Variants in HARBI1 observed in about 807,000 individuals in gnomAD.
HARBI1 encodes the protein harbinger transposase derived 1.
In HARBI1, 15 loss-of-function variants were observed where a neutral mutation model predicts 25.3. The ratio of observed to expected loss-of-function variants is 0.59; its 90% CI spans 0.40 to 0.91. HARBI1 has a LOEUF of 0.91. Among genes scored for constraint, HARBI1 ranks in the 40% least tolerant of loss-of-function variants. The pLI, the probability that HARBI1 is intolerant of heterozygous loss-of-function variation, is 0.00. For missense variants in HARBI1, 396 were observed against 445.8 expected (o/e 0.89, Z 1.01); for synonymous variants, 168 against 160.5 (o/e 1.05, Z -0.35).
chr11:46,608,016 C>G (rs187218777), intron 2 of HARBI1, among the ~76,000 whole-genome samples: 2 of 151,516 alleles, frequency 1.3e-5, no homozygotes, highest in African/African-American at 2.4e-5. Flanking sequence ...TACAATTAGG[C>G]GGCCAGGTGC....
chr11:46,616,692 A>G (rs2045510419), intron 1 of HARBI1: 1 of 994,626 alleles, frequency 1.0e-6, no homozygotes, highest in African/African-American at 1.7e-5. Context: ...ATATAGGCCA[A>G]GAAGCAGCTG....
intron 2 of HARBI1, 23 bp from the exon 3 acceptor site, chr11:46,603,932 T>G: frequency 6.3e-7 from 1 of 1,579,442 alleles, no homozygotes; most frequent in Non-Finnish European, 8.6e-7. Flanking sequence ...CCCAAATAAA[T>G]CATAAATGAC....
At position 46,616,253 on chromosome 11, in the gene HARBI1, TGGC is replaced by T. The variant is rs2045453836; in HGVS notation, c.-19_-17del. 1 of 1,591,300 alleles carries T rather than the reference TGGC, an allele frequency of 6.3e-7. No homozygotes were observed. Among genetic ancestry groups the T allele is most frequent in the African/African-American group, 1.3e-5 (1 of 74,566 alleles). ...GTATAGCCATGGTAAATGTGAATGT[TGGC>T]TCTCCTCTTTGCTTTTTCTGAACTG... On this transcript the variant is annotated 5_prime_UTR_variant, in exon 2 of 3. Coordinates refer to ENST00000326737, the MANE Select transcript of HARBI1 (RefSeq NM_173811.4).
At chr11:46,614,630 AG>A (rs1226189411) in intron 2 of HARBI1, among the ~76,000 whole-genome samples, 5 of 152,176 alleles carry the variant, frequency 3.3e-5, no homozygotes, top group Non-Finnish European at 5.9e-5. Context: ...TTTTGGAGAC[AG>A]GGTCTTGCTA....
In HARBI1 at chr11:46,603,868, G is replaced by C; in HGVS notation, c.712C>G (p.Leu238Val). ...TCTGCTGGAGTTTCAGGAATGTGAA[G>C]TGGGGTCATGAGCCAGGTTCGAAGA... The part of the protein sequence containing the change: ...FFLRTWLMTP[L>V]HIPETPAEYR... Residue 238 changes from leucine (L) to valine (V), a missense_variant, in exon 3 of 3, where the codon CTT becomes GTT. By Grantham distance (32) the Leu-to-Val change is conservative. Coordinates refer to ENST00000326737, the MANE Select transcript of HARBI1 (RefSeq NM_173811.4). 6.2e-7 allele frequency: 1 copy of C among 1,614,040 alleles called. No individual in the cohort carries two copies. Among genetic ancestry groups the C allele is most frequent in the Non-Finnish European group, 8.5e-7 (1 of 1,179,916 alleles).
chr11:46,617,628 CGGG>C (rs2045722582), upstream of HARBI1: 1 of 231,916 alleles, frequency 4.3e-6, no homozygotes, highest in Non-Finnish European at 8.0e-6. Flanking sequence ...GGGCTTAAGG[CGGG>C]AGTGACCGCT....
Position 46,608,253 on chromosome 11 carries a change from G to A in HARBI1, c.671-4344C>T, listed in dbSNP as rs530321764. ...GCACAGGTTGCAGTGAGCTGAGATC[G>A]CCCCATTGCACCACAGCCTGGGCAA... On this transcript the variant is annotated intron_variant, in intron 2 of 2. Transcript: ENST00000326737. Among the ~76,000 whole-genome samples the A allele has an allele frequency of 1.6e-4, 25 of 152,140 alleles. No homozygotes were observed. The South Asian group carries it at 3.9e-3, about 24-fold the overall frequency.
rs2045352389 is a variant in HARBI1 at position 46,615,586 on chromosome 11, T to C, written c.652A>G (p.Lys218Glu). ...AACTTACCCAGAAGCCAGCTATCTTTGTGCATACCCGCTTCAAACTGACTA... is the reference window on the plus strand; with the variant it reads ...AACTTACCCAGAAGCCAGCTATCTTCGTGCATACCCGCTTCAAACTGACTA... Reference protein sequence around the residue: ...LSSQFEAGMHKDSWLLGDSSF... With the variant: ...LSSQFEAGMHEDSWLLGDSSF... The change falls in exon 2 of 3, where the codon AAA becomes GAA. Residue 218 changes from lysine (K) to glutamate (E), a missense_variant. Physicochemically the swap from Lys to Glu is moderately conservative, Grantham distance 56 (BLOSUM62 1). Transcript: ENST00000326737. 1 of 1,612,960 alleles carries C rather than the reference T, an allele frequency of 6.2e-7. No individual in the cohort carries two copies. Among genetic ancestry groups the C allele is most frequent in the Non-Finnish European group, 8.5e-7 (1 of 1,179,256 alleles).
chr11:46,608,115 G>A (rs565346377), intron 2 of HARBI1, among the ~76,000 whole-genome samples: 67 of 152,072 alleles, frequency 4.4e-4, no homozygotes, highest in Non-Finnish European at 5.1e-4. Flanking sequence ...CCTGACCAAC[G>A]TGGTGAAGCC....
Position 46,617,107 on chromosome 11 carries a change from C to T in HARBI1, c.-145+17G>A. ...TGATTGCGCCGGCCACTCAGTTAGCCCAGGCCCGTCACCCACCTCTCCGCG... is the reference window on the plus strand; with the variant it reads ...TGATTGCGCCGGCCACTCAGTTAGCTCAGGCCCGTCACCCACCTCTCCGCG... On this transcript the variant is annotated intron_variant, in intron 1 of 2. Coordinates refer to ENST00000326737, the MANE Select transcript of HARBI1 (RefSeq NM_173811.4). The T allele has an allele frequency of 3.3e-6, 2 of 604,730 alleles. No homozygotes were observed. The highest frequency in any genetic ancestry group is 4.1e-6 in the Non-Finnish European group (2 of 482,664). The allele number at this position is 604,730 out of a possible 1,614,324, so 37.5% of individuals were successfully genotyped here. A position where few individuals can be genotyped will look rare whatever the true frequency, so the allele number is the denominator to read the frequency against.
chr11:46,616,334 C>G lies in HARBI1; in HGVS notation c.-97G>C. On this transcript the variant is annotated 5_prime_UTR_variant, in exon 2 of 3. Transcript: ENST00000326737. ...CGTATTTTTAAGAAAGTATCAGAAT[C>G]CAACAGCTAACCACAGTTAAATGGC... The G allele has an allele frequency of 1.3e-6, 2 of 1,504,322 alleles. No individual in the cohort carries two copies. Among genetic ancestry groups the G allele is most frequent in the Admixed American group, 2.2e-5 (1 of 44,602 alleles). 93.2% of individuals were successfully genotyped at this position (1,504,322 alleles called of 1,614,324 possible).
intron 2 of HARBI1, among the ~76,000 whole-genome samples, chr11:46,607,976 T>C (rs1205911999): frequency 6.6e-6 from 1 of 151,018 alleles, no homozygotes; most frequent in Non-Finnish European, 1.5e-5. Flanking sequence ...TCTAGAACTG[T>C]TCCTCAAACC....
At chr11:46,610,584 C>T (rs369605507) in intron 2 of HARBI1, among the ~76,000 whole-genome samples, 2 of 152,004 alleles carry the variant, frequency 1.3e-5, no homozygotes, top group South Asian at 2.1e-4. Flanking sequence ...GCTGTGAACC[C>T]GGGAGGCGGA....
chr11:46,613,807 T>C lies in HARBI1; in HGVS notation c.670+1761A>G, dbSNP rs1376984240. Among the ~76,000 whole-genome samples, 7 of 151,958 alleles carry C rather than the reference T, an allele frequency of 4.6e-5. No individual in the cohort carries two copies. The East Asian group carries it at 1.2e-3, about 25-fold the overall frequency. ...AGTATTTTGGCTTTATTTCAGGGGA[T>C]TGTTTCATTTATTTGTTTGCTTATT... is the stretch of plus-strand genomic sequence containing the variant. On this transcript the variant is annotated intron_variant, in intron 2 of 2. Transcript: ENST00000326737.
At chr11:46,606,347 C>CT (rs2044952136) in intron 2 of HARBI1, among the ~76,000 whole-genome samples, 2 of 151,176 alleles carry the variant, frequency 1.3e-5, no homozygotes, top group South Asian at 4.2e-4. Context: ...GAGCCTCACT[C>CT]TGTCGCCCAG....
chr11:46,607,911 C>G (rs1431748637), intron 2 of HARBI1, among the ~76,000 whole-genome samples: 1 of 74,906 alleles, frequency 1.3e-5, no homozygotes, highest in African/African-American at 4.3e-5. Context: ...AAAAATAATG[C>G]AAAAAAAAAA....
chr11:46,616,989 G>C, intron 1 of HARBI1, 135 bp downstream of exon 1: 2 of 985,442 alleles, frequency 2.0e-6, no homozygotes, highest in Non-Finnish European at 2.4e-6. Flanking sequence ...CAGACACATT[G>C]GAAGTCGGGA....
chr11:46,612,607 C>T (rs961617839), intron 2 of HARBI1, among the ~76,000 whole-genome samples: 6 of 151,996 alleles, frequency 3.9e-5, no homozygotes, highest in African/African-American at 1.4e-4. Context: ...GAATTGTGTA[C>T]ATGCATTGTC....
chr11:46,609,202 A>G (rs1287358341), intron 2 of HARBI1, among the ~76,000 whole-genome samples: 1 of 151,592 alleles, frequency 6.6e-6, no homozygotes, highest in Non-Finnish European at 1.5e-5. Flanking sequence ...GGGATTTAGC[A>G]CCTGGCTAAA....
Sources: allele counts gnomAD v4.1 joint callset (sites outside exome capture counted in the v4.1 genomes callset), GRCh38; gene constraint gnomAD v4.1.1; transcripts MANE v1.5; gene names NCBI Gene and HGNC (gene_info 2026-07-23, HGNC 2026-07-21).